ZFHX3: variants seen among roughly 807,000 people sequenced by gnomAD.
ZFHX3 encodes the protein zinc finger homeobox protein 3.
In ZFHX3, 42 loss-of-function variants were observed where a neutral mutation model predicts 279.1. That is an observed-to-expected ratio of 0.15 (90% CI 0.12 to 0.19). ZFHX3 has a LOEUF of 0.19. Ranked by LOEUF, ZFHX3 falls within the 10% of genes least tolerant of loss-of-function variation. The pLI is 1.00. For synonymous variants in ZFHX3, 2,293 were observed against 1,957.8 expected (o/e 1.17, Z -4.52); for missense variants, 4,981 against 4,754.0 (o/e 1.05, Z -1.40).
At chr16:73,352,688 T>C (rs184764642) in intron 3 of ZFHX3, among the ~76,000 whole-genome samples, 1 of 152,108 alleles carries the variant, frequency 6.6e-6, no homozygotes. Context: ...TCTTGCTATG[T>C]TGCCCAGGCT....
chr16:73,461,052 C>A (rs1414977384), intron 2 of ZFHX3, among the ~76,000 whole-genome samples: 2 of 152,314 alleles, frequency 1.3e-5, no homozygotes, highest in Non-Finnish European at 2.9e-5. Flanking sequence ...AATACAGCAA[C>A]CTTGCCAGAA....
Position 73,776,002 on chromosome 16 carries a change from T to C in ZFHX3, c.-1607-95762A>G, listed in dbSNP as rs140986436. On this transcript the variant is annotated intron_variant, in intron 1 of 17. Transcript: ENST00000641206. ...AAACCAACTGGCAAAAGGTACTAAA[T>C]TCTTGCTTTTGTGTCTGGCTCTTAA... Among the ~76,000 whole-genome samples the C allele has an allele frequency of 4.1e-4, 63 of 152,332 alleles. No homozygotes were observed. The East Asian group carries it at 0.012, about 28-fold the overall frequency.
intron 1 of ZFHX3, among the ~76,000 whole-genome samples, chr16:73,718,057 C>T (rs945911251): frequency 2.6e-5 from 4 of 152,148 alleles, no homozygotes; most frequent in African/African-American, 7.2e-5. Context: ...GTTATCTTTT[C>T]TCCACTCCTC....
Position 73,564,251 on chromosome 16 carries a change from C to T in ZFHX3, c.-1546-107993G>A, listed in dbSNP as rs80305184. Among the ~76,000 whole-genome samples, 819 of 152,312 alleles carry T rather than the reference C, an allele frequency of 5.4e-3. 8 individuals carry two copies. Among genetic ancestry groups the T allele is most frequent in the African/African-American group, 0.019 (774 of 41,570 alleles). On this transcript the variant is annotated intron_variant, in intron 2 of 17. Coordinates refer to the ZFHX3 transcript ENST00000641206. Reference sequence around the variant, plus strand: ...CACGTATCATGGTCACCATCATCCTCGCTCTCTGCATAACCCCAGGTGCCC... The same window carrying T: ...CACGTATCATGGTCACCATCATCCTTGCTCTCTGCATAACCCCAGGTGCCC...
intron 5 of ZFHX3, among the ~76,000 whole-genome samples, chr16:73,169,180 T>C (rs993279863): frequency 3.9e-5 from 6 of 152,208 alleles, no homozygotes; most frequent in Non-Finnish European, 8.8e-5. Context: ...TCAATGCATA[T>C]TGAATGCCTA....
chr16:73,149,755 G>A (rs1411326721), intron 5 of ZFHX3, among the ~76,000 whole-genome samples: 2 of 152,144 alleles, frequency 1.3e-5, no homozygotes, highest in African/African-American at 4.8e-5. Context: ...ATTTTATCCT[G>A]TCAGCGAATG....
intron 2 of ZFHX3, among the ~76,000 whole-genome samples, chr16:73,586,422 A>C (rs569684976): frequency 6.7e-6 from 1 of 149,836 alleles, no homozygotes; most frequent in African/African-American, 2.5e-5. Flanking sequence ...ACAAACAAAC[A>C]AACAAAAAAA....
chr16:73,784,796 A>ATTT (rs1555501448), intron 1 of ZFHX3, among the ~76,000 whole-genome samples: 1 of 131,082 alleles, frequency 7.6e-6, no homozygotes, highest in Non-Finnish European at 1.6e-5. Flanking sequence ...TAAAAAAAAA[A>ATTT]ATATATATAT....
intron 2 of ZFHX3, among the ~76,000 whole-genome samples, chr16:73,507,652 T>C (rs1272439421): frequency 6.6e-6 from 1 of 151,942 alleles, no homozygotes; most frequent in African/African-American, 2.4e-5. Context: ...CACGCCACCA[T>C]GCCTGGCTGA....
rs192913726 is a variant in ZFHX3, at chr16:73,353,205, C to G, written c.-1290-34869G>C. ...ATGGTAAGACACAGTTAGAACCCGT[C>G]TGCAAGAGACAAGAAAAATATTCCC... On this transcript the variant is annotated intron_variant, in intron 3 of 17. Coordinates refer to the ZFHX3 transcript ENST00000641206. Among the ~76,000 whole-genome samples the G allele has an allele frequency of 3.6e-3, 541 of 152,342 alleles. 2 individuals carry two copies. Among genetic ancestry groups the G allele is most frequent in the Middle Eastern group, 0.024 (7 of 292 alleles).
At chr16:72,933,858 G>T (rs527795284) in intron 3 of ZFHX3, among the ~76,000 whole-genome samples, 1 of 130,826 alleles carries the variant, frequency 7.6e-6, no homozygotes, top group African/African-American at 2.8e-5. Flanking sequence ...TCGCTCTGTC[G>T]CCCAGGCTGT....
chr16:73,118,084 C>T (rs1966453065), intron 7 of ZFHX3, among the ~76,000 whole-genome samples: 1 of 152,238 alleles, frequency 6.6e-6, no homozygotes, highest in Non-Finnish European at 1.5e-5. Flanking sequence ...TCAGAGAATG[C>T]ATGTTCCCAT....
At chr16:73,509,944 T>C (rs973242920) in intron 2 of ZFHX3, among the ~76,000 whole-genome samples, 5 of 152,160 alleles carry the variant, frequency 3.3e-5, no homozygotes, top group Admixed American at 6.5e-5. Context: ...GATCCACCTG[T>C]CTCAGCGTCC....
chr16:73,835,174 C>A (rs971663111), intron 1 of ZFHX3, among the ~76,000 whole-genome samples: 10 of 152,142 alleles, frequency 6.6e-5, no homozygotes, highest in Non-Finnish European at 1.2e-4. Flanking sequence ...ACAAAGTACT[C>A]CCCAAAGAGG....
chr16:73,099,230 T>C (rs1334057762), intron 7 of ZFHX3: 1 of 152,232 alleles, frequency 6.6e-6, no homozygotes, highest in East Asian at 1.9e-4. Context: ...AAATAGCTAT[T>C]GTATCCTCTT....
intron 1 of ZFHX3, among the ~76,000 whole-genome samples, chr16:73,038,492 T>A (rs1244129932): frequency 6.6e-6 from 1 of 152,226 alleles, no homozygotes; most frequent in African/African-American, 2.4e-5. Flanking sequence ...CCATCCAATA[T>A]GACGGCCACA....
At chr16:72,823,467 C>G (rs935625156) in intron 5 of ZFHX3, among the ~76,000 whole-genome samples, 2 of 152,178 alleles carry the variant, frequency 1.3e-5, no homozygotes, top group Admixed American at 1.3e-4. Context: ...TTGATGTCCT[C>G]ATCACACTGC....
intron 3 of ZFHX3, among the ~76,000 whole-genome samples, chr16:73,397,081 C>T (rs1431954481): frequency 6.6e-6 from 1 of 152,198 alleles, no homozygotes; most frequent in African/African-American, 2.4e-5. Flanking sequence ...TCCAGCTGCT[C>T]TATTTGGGGA....
At chr16:73,312,139 G>A (rs1321417657) in intron 4 of ZFHX3, among the ~76,000 whole-genome samples, 2 of 152,138 alleles carry the variant, frequency 1.3e-5, no homozygotes, top group South Asian at 2.1e-4. Flanking sequence ...ATTGTGACAC[G>A]TGACAAAAGG....
Sources: allele counts gnomAD v4.1 joint callset (sites outside exome capture counted in the v4.1 genomes callset), GRCh38; gene constraint gnomAD v4.1.1; transcripts MANE v1.5; gene names NCBI Gene and HGNC (gene_info 2026-07-23, HGNC 2026-07-21).